HEMK2: variants seen among roughly 807,000 people sequenced by gnomAD.
HEMK2 encodes HemK methyltransferase 2, ETF1 glutamine and histone H4 lysine.
chr21:28,684,010 A>G, the HEMK2 span, among the ~76,000 whole-genome samples: 1 of 152,310 alleles, frequency 6.6e-6, no homozygotes, highest in African/African-American at 2.4e-5. Flanking sequence ...GTATAATTCA[A>G]TAGACACCAA....
chr21:28,661,033 AT>A, the HEMK2 span, among the ~76,000 whole-genome samples: 1 of 152,068 alleles, frequency 6.6e-6, no homozygotes, highest in South Asian at 2.1e-4. Flanking sequence ...GTTGTTAAAA[AT>A]ATCTTACCTT....
chr21:28,585,442 C>T, the HEMK2 span, among the ~76,000 whole-genome samples: 3 of 151,912 alleles, frequency 2.0e-5, no homozygotes, highest in African/African-American at 7.2e-5. Flanking sequence ...ATAAAGGCTC[C>T]AGGTATTGGA....
the HEMK2 span, among the ~76,000 whole-genome samples, chr21:28,754,938 C>G: frequency 0.19 from 29,434 of 152,090 alleles, 3,570 homozygotes; most frequent in African/African-American, 0.34. Flanking sequence ...TAGGGAGAAA[C>G]GGACAAGGGA....
the HEMK2 span, among the ~76,000 whole-genome samples, chr21:28,727,944 C>A: frequency 2.6e-5 from 4 of 152,152 alleles, no homozygotes; most frequent in African/African-American, 9.7e-5. Context: ...ACATAATAAT[C>A]TGAAGCAGTC....
the HEMK2 span, among the ~76,000 whole-genome samples, chr21:28,855,207 C>T: frequency 5.9e-5 from 9 of 152,108 alleles, no homozygotes; most frequent in East Asian, 1.7e-3. Context: ...GCAGGGGTTG[C>T]TATTCTAATT....
At chr21:28,878,276 T>G in the HEMK2 span, 4 of 1,612,212 alleles carry the variant, frequency 2.5e-6, no homozygotes, top group African/African-American at 2.7e-5. Context: ...AACCTGTCCA[T>G]GACTTCCCGA....
the HEMK2 span, among the ~76,000 whole-genome samples, chr21:28,764,026 T>C: frequency 3.3e-5 from 5 of 152,058 alleles, no homozygotes; most frequent in Non-Finnish European, 7.4e-5. Context: ...GAACCAAACC[T>C]CAGCTGTACA....
At chr21:28,708,166 A>G in the HEMK2 span, among the ~76,000 whole-genome samples, 1 of 152,164 alleles carries the variant, frequency 6.6e-6, no homozygotes, top group Non-Finnish European at 1.5e-5. Context: ...ATGCATGTTA[A>G]TATCTTCTTG....
At chr21:28,868,597 T>C in the HEMK2 span, among the ~76,000 whole-genome samples, 3 of 152,114 alleles carry the variant, frequency 2.0e-5, no homozygotes, top group East Asian at 1.9e-4. Flanking sequence ...GGTGAGAGGA[T>C]TGCCTAAGCT....
At chr21:28,741,661 T>C in the HEMK2 span, among the ~76,000 whole-genome samples, 1 of 152,348 alleles carries the variant, frequency 6.6e-6, no homozygotes, top group East Asian at 1.9e-4. Context: ...TTTGGTTTTC[T>C]GTTCCTGTGT....
the HEMK2 span, among the ~76,000 whole-genome samples, chr21:28,718,700 T>C: frequency 9.2e-5 from 14 of 152,310 alleles, no homozygotes; most frequent in African/African-American, 3.4e-4. Context: ...AATCACTACA[T>C]ATTTTAAATA....
the HEMK2 span, among the ~76,000 whole-genome samples, chr21:28,654,602 AT>A: frequency 6.6e-6 from 1 of 152,086 alleles, no homozygotes; most frequent in Admixed American, 6.6e-5. Flanking sequence ...CTCGAAAAAA[AT>A]AAAACACACA....
chr21:28,817,646 T>C, the HEMK2 span, among the ~76,000 whole-genome samples: 1 of 152,226 alleles, frequency 6.6e-6, no homozygotes, highest in Non-Finnish European at 1.5e-5. Flanking sequence ...AAGGATTTCC[T>C]TGAGAGTAGT....
the HEMK2 span, among the ~76,000 whole-genome samples, chr21:28,617,179 T>C: frequency 6.6e-6 from 1 of 152,212 alleles, no homozygotes; most frequent in Non-Finnish European, 1.5e-5. Flanking sequence ...GAAGGTTACA[T>C]GTATATGAAG....
At chr21:28,781,822 T>C in the HEMK2 span, among the ~76,000 whole-genome samples, 3 of 152,228 alleles carry the variant, frequency 2.0e-5, no homozygotes, top group African/African-American at 7.2e-5. Context: ...ATTGATACTG[T>C]CTGGCCCAAT....
At chr21:28,821,689 C>G in the HEMK2 span, among the ~76,000 whole-genome samples, 1 of 152,158 alleles carries the variant, frequency 6.6e-6, no homozygotes, top group African/African-American at 2.4e-5. Flanking sequence ...ATACTCTTCC[C>G]AAGAATTTCC....
At chr21:28,736,664 C>T in the HEMK2 span, among the ~76,000 whole-genome samples, 5 of 152,086 alleles carry the variant, frequency 3.3e-5, no homozygotes, top group African/African-American at 1.2e-4. Flanking sequence ...ACTCAGGAGG[C>T]TGTGGCAGAA....
chr21:28,655,030 T>A, the HEMK2 span, among the ~76,000 whole-genome samples: 1 of 152,000 alleles, frequency 6.6e-6, no homozygotes, highest in Non-Finnish European at 1.5e-5. Flanking sequence ...GGAAACTAAT[T>A]CACTTTGAAA....
the HEMK2 span, among the ~76,000 whole-genome samples, chr21:28,693,885 A>C: frequency 6.6e-6 from 1 of 152,242 alleles, no homozygotes; most frequent in African/African-American, 2.4e-5. Flanking sequence ...TAGCTGAATT[A>C]AAATTCAACA....
Sources: gnomAD v4.1 joint callset for allele counts (sites outside exome capture counted in the v4.1 genomes callset) on GRCh38, gnomAD v4.1.1 for gene constraint, MANE v1.5 for transcripts, NCBI Gene and HGNC (gene_info 2026-07-23, HGNC 2026-07-21) for gene names.